Variants in IL1RAPL1 observed in about 807,000 individuals in gnomAD.
The protein encoded by IL1RAPL1 is interleukin 1 receptor accessory protein like 1.
IL1RAPL1 carries 3 observed loss-of-function variants against 48.4 expected under a neutral mutation model. That is an observed-to-expected ratio of 0.06 (90% CI 0.03 to 0.16). The LOEUF is 0.16. IL1RAPL1 is among the 10% of genes least tolerant of loss of function. The pLI is 1.00. For synonymous variants in IL1RAPL1, 185 were observed against 187.7 expected (o/e 0.99, Z 0.12); for missense variants, 349 against 530.6 (o/e 0.66, Z 3.36).
chrX:29,604,502 G>A (rs1237195415), intron 5 of IL1RAPL1, among the ~76,000 whole-genome samples: 2 of 110,927 alleles, frequency 1.8e-5, no homozygotes, highest in African/African-American at 6.6e-5. Context: ...GCAGTGATGC[G>A]ATCTCCGCTC....
At chrX:29,505,371 T>C (rs147790948) in intron 5 of IL1RAPL1, among the ~76,000 whole-genome samples, 100 of 110,905 alleles carry the variant, frequency 9.0e-4, no homozygotes, top group African/African-American at 3.2e-3. Flanking sequence ...ATTTTCTTTT[T>C]GCATGTTAGT....
chrX:28,704,948 G>C (rs1370529613), intron 1 of IL1RAPL1, among the ~76,000 whole-genome samples: 1 of 110,327 alleles, frequency 9.1e-6, no homozygotes, highest in Non-Finnish European at 1.9e-5. Flanking sequence ...CAGTGAACTT[G>C]CATTTTGTTC....
chrX:29,638,813 T>C (rs989697553), intron 5 of IL1RAPL1, among the ~76,000 whole-genome samples: 2 of 112,549 alleles, frequency 1.8e-5, no homozygotes, highest in Admixed American at 1.9e-4. Flanking sequence ...GTTTTAATGC[T>C]AGCTTTTAAA....
chrX:28,954,140 T>C (rs779882124), intron 2 of IL1RAPL1, among the ~76,000 whole-genome samples: 191 of 111,705 alleles, frequency 1.7e-3, no homozygotes, highest in Non-Finnish European at 3.4e-3. Flanking sequence ...TGACATAGTG[T>C]AAAAGTTCAA....
At chrX:29,474,380 A>G (rs189296082) in intron 5 of IL1RAPL1, among the ~76,000 whole-genome samples, 37 of 112,468 alleles carry the variant, frequency 3.3e-4, no homozygotes, top group African/African-American at 1.2e-3. Flanking sequence ...AACCTGGAGT[A>G]AACTGCCTCA....
chrX:29,227,122 A>G (rs115876718), intron 2 of IL1RAPL1, among the ~76,000 whole-genome samples: 2,973 of 110,604 alleles, frequency 0.027, 102 homozygotes, highest in African/African-American at 0.088. Flanking sequence ...AACATTCTAA[A>G]ATGCAATCAT....
intron 6 of IL1RAPL1, among the ~76,000 whole-genome samples, chrX:29,893,505 T>G (rs1214581515): frequency 9.0e-6 from 1 of 111,034 alleles, no homozygotes; most frequent in African/African-American, 3.3e-5. Flanking sequence ...CCGTGCATCA[T>G]TGTTTTAAAT....
chrX:29,769,436 T>G (rs1402992718), intron 6 of IL1RAPL1, among the ~76,000 whole-genome samples: 7 of 51,200 alleles, frequency 1.4e-4, no homozygotes, highest in African/African-American at 3.3e-4. Context: ...AGTTTTTTTT[T>G]TTTTTTTTTT....
At chrX:28,668,903 T>C (rs1323798179) in intron 1 of IL1RAPL1, among the ~76,000 whole-genome samples, 2 of 112,077 alleles carry the variant, frequency 1.8e-5, no homozygotes, top group Non-Finnish European at 3.8e-5. Flanking sequence ...ATGGTCTGGT[T>C]ACTTCTCTTT....
intron 5 of IL1RAPL1, among the ~76,000 whole-genome samples, chrX:29,628,961 G>A (rs7051233): frequency 0.13 from 14,852 of 111,516 alleles, 1,074 homozygotes; most frequent in African/African-American, 0.27. Flanking sequence ...TGTAATAATA[G>A]CTCTGATTTC....
intron 2 of IL1RAPL1, among the ~76,000 whole-genome samples, chrX:28,801,127 C>T (rs768587426): frequency 9.1e-6 from 1 of 110,165 alleles, no homozygotes; most frequent in African/African-American, 3.3e-5. Context: ...TAATCCGCCC[C>T]TGCTTGGCCT....
chrX:28,961,901 T>A (rs1430130182), intron 2 of IL1RAPL1, among the ~76,000 whole-genome samples: 1 of 111,890 alleles, frequency 8.9e-6, no homozygotes, highest in African/African-American at 3.3e-5. Flanking sequence ...TTTGAGACAA[T>A]AGTATGAACT....
At chrX:28,916,013 A>G (rs1923482505) in intron 2 of IL1RAPL1, among the ~76,000 whole-genome samples, 1 of 110,971 alleles carries the variant, frequency 9.0e-6, no homozygotes, top group Admixed American at 9.7e-5. Context: ...TCAGCTACTT[A>G]CAAGTAGAAT....
chrX:29,709,690 A>G (rs1434572522), intron 6 of IL1RAPL1, among the ~76,000 whole-genome samples: 2 of 111,316 alleles, frequency 1.8e-5, no homozygotes, highest in African/African-American at 6.5e-5. Flanking sequence ...TGCTTTTTCT[A>G]TTTCTGTGAA....
chrX:29,234,663 G>A lies in IL1RAPL1; in HGVS notation c.83-48275G>A, dbSNP rs372178488. ...TCCTCCAGATACAAGAAGAGGGAAG[G>A]TATATAATAAAATGCTTCAGCATAC... On this transcript the variant is annotated intron_variant, in intron 2 of 10. Coordinates refer to ENST00000378993, the MANE Select transcript of IL1RAPL1 (RefSeq NM_014271.4). 2.6e-3 allele frequency among the ~76,000 whole-genome samples: 289 copies of A among 111,916 alleles called. 1 individual carries two copies. Among genetic ancestry groups the A allele is most frequent in the African/African-American group, 8.3e-3 (257 of 30,817 alleles).
At chrX:28,829,262 A>G (rs1025381761) in intron 2 of IL1RAPL1, among the ~76,000 whole-genome samples, 5 of 111,102 alleles carry the variant, frequency 4.5e-5, no homozygotes, top group Non-Finnish European at 9.4e-5. Flanking sequence ...ATTCCTTAGT[A>G]TTTTCTGTAT....
At chrX:28,699,126 T>C (rs1348324958) in intron 1 of IL1RAPL1, among the ~76,000 whole-genome samples, 2 of 112,248 alleles carry the variant, frequency 1.8e-5, no homozygotes, top group African/African-American at 6.5e-5. Context: ...CAACAGATGG[T>C]TTATATTAGA....
At chrX:28,995,417 T>A in intron 2 of IL1RAPL1, among the ~76,000 whole-genome samples, 1 of 110,166 alleles carries the variant, frequency 9.1e-6, no homozygotes, top group Non-Finnish European at 1.9e-5. Flanking sequence ...TGAGGAATCA[T>A]ACTTAAAAGA....
intron 1 of IL1RAPL1, among the ~76,000 whole-genome samples, chrX:28,725,807 G>A (rs1482281983): frequency 2.7e-5 from 3 of 112,021 alleles, no homozygotes; most frequent in African/African-American, 9.7e-5. Context: ...ACCTGATGGT[G>A]GCATAGGCCT....
Sources: gnomAD v4.1 joint callset for allele counts (sites outside exome capture counted in the v4.1 genomes callset) on GRCh38, gnomAD v4.1.1 for gene constraint, MANE v1.5 for transcripts, NCBI Gene and HGNC (gene_info 2026-07-23, HGNC 2026-07-21) for gene names.